Variants in KIAA1328 observed in about 807,000 individuals in gnomAD.
KIAA1328 encodes protein hinderin.
Under a neutral mutation model 68.1 loss-of-function variants are expected in KIAA1328, and 52 were observed. The observed-to-expected ratio is 0.76, with a 90% CI of 0.61 to 0.96. KIAA1328 has a LOEUF of 0.96. KIAA1328 is among the 40% of genes least tolerant of loss of function. The pLI is 0.00. For missense variants in KIAA1328, 641 were observed against 677.6 expected (o/e 0.95, Z 0.60); for synonymous variants, 232 against 239.4 (o/e 0.97, Z 0.28).
intron 8 of KIAA1328, among the ~76,000 whole-genome samples, chr18:37,165,481 G>A (rs1294683423): frequency 6.6e-6 from 1 of 151,406 alleles, no homozygotes; most frequent in Non-Finnish European, 1.5e-5. Flanking sequence ...GTGCAATGGT[G>A]CTATATCGGT....
At chr18:37,096,998 C>T (rs939741912) in intron 7 of KIAA1328, among the ~76,000 whole-genome samples, 1 of 151,898 alleles carries the variant, frequency 6.6e-6, no homozygotes, top group Non-Finnish European at 1.5e-5. Context: ...GAGTAGATTG[C>T]AAAAATTTTC....
At chr18:37,221,490 T>C (rs1013093031) in intron 9 of KIAA1328, among the ~76,000 whole-genome samples, 2 of 152,176 alleles carry the variant, frequency 1.3e-5, no homozygotes, top group Admixed American at 6.5e-5. Context: ...AGCTTTAGTG[T>C]CCTGGATGAG....
chr18:37,148,682 T>A (rs573759356), intron 7 of KIAA1328, among the ~76,000 whole-genome samples: 1 of 152,366 alleles, frequency 6.6e-6, no homozygotes, highest in East Asian at 1.9e-4. Context: ...TGAGATGGTA[T>A]CTCTTTGTGG....
intron 6 of KIAA1328, among the ~76,000 whole-genome samples, chr18:36,995,160 A>G (rs2053340415): frequency 6.6e-6 from 1 of 152,056 alleles, no homozygotes; most frequent in East Asian, 1.9e-4. Flanking sequence ...CCCTGTGTCC[A>G]CGTGTTCACA....
intron 6 of KIAA1328, among the ~76,000 whole-genome samples, chr18:36,983,439 A>G (rs2052777567): frequency 1.3e-5 from 2 of 152,104 alleles, no homozygotes; most frequent in Non-Finnish European, 2.9e-5. Context: ...AGAGAAGCCA[A>G]CTAATCCACA....
At chr18:36,881,553 A>G (rs935996358) in intron 4 of KIAA1328, among the ~76,000 whole-genome samples, 4 of 152,308 alleles carry the variant, frequency 2.6e-5, no homozygotes, top group Admixed American at 2.6e-4. Context: ...AATCAGTTTT[A>G]GTATGTTTTC....
At chr18:36,992,559 C>G (rs564520846) in intron 6 of KIAA1328, among the ~76,000 whole-genome samples, 19 of 150,596 alleles carry the variant, frequency 1.3e-4, no homozygotes, top group Non-Finnish European at 1.9e-4. Flanking sequence ...TTCCTGGGTC[C>G]TTTTTTATTT....
intron 6 of KIAA1328, among the ~76,000 whole-genome samples, chr18:37,013,495 C>T (rs988909458): frequency 1.3e-5 from 2 of 152,068 alleles, no homozygotes; most frequent in African/African-American, 4.8e-5. Flanking sequence ...CTTTGCCCAT[C>T]CCCCTCACTC....
intron 4 of KIAA1328, among the ~76,000 whole-genome samples, chr18:36,859,661 G>A (rs72885275): frequency 0.14 from 20,652 of 151,424 alleles, 1,749 homozygotes; most frequent in Admixed American, 0.18. Context: ...TGTTGCCCAG[G>A]CTAGTCTTGA....
intron 7 of KIAA1328, among the ~76,000 whole-genome samples, chr18:37,149,167 T>C (rs1429578953): frequency 6.6e-6 from 1 of 152,000 alleles, no homozygotes; most frequent in Non-Finnish European, 1.5e-5. Flanking sequence ...CTACTGTACT[T>C]CAAGGCTACA....
rs376923437 is a variant in KIAA1328, at chr18:37,166,172, A to G, written c.1414+5791A>G. On this transcript the variant is annotated intron_variant, in intron 8 of 9. Coordinates refer to ENST00000280020, the MANE Select transcript of KIAA1328 (RefSeq NM_020776.3). ...CAGGGCCTCATCTCTCCCAAGAAAC[A>G]CTGAAAAATCTTGCAAAAACTGTCA... is the stretch of plus-strand genomic sequence containing the variant. 1.2e-4 allele frequency among the ~76,000 whole-genome samples: 19 copies of G among 152,094 alleles called. No individual in the cohort carries two copies. In the South Asian group the frequency reaches 3.1e-3, roughly 25 times the overall value.
At chr18:36,834,924 C>T (rs1361125037) in intron 2 of KIAA1328, among the ~76,000 whole-genome samples, 1 of 152,124 alleles carries the variant, frequency 6.6e-6, no homozygotes, top group African/African-American at 2.4e-5. Flanking sequence ...GTTCCAGCTA[C>T]TCCAGAGGCT....
chr18:37,197,304 C>T (rs2060022410), intron 9 of KIAA1328, among the ~76,000 whole-genome samples: 1 of 151,092 alleles, frequency 6.6e-6, no homozygotes, highest in African/African-American at 2.4e-5. Flanking sequence ...AATTTTTTGT[C>T]TCAATTTCAT....
At chr18:36,964,891 C>CTT (rs78746926) in intron 6 of KIAA1328, among the ~76,000 whole-genome samples, 1 of 144,938 alleles carries the variant, frequency 6.9e-6, no homozygotes. Context: ...TGTGTTACTT[C>CTT]TTTTTTTTTT....
intron 7 of KIAA1328, among the ~76,000 whole-genome samples, chr18:37,087,248 C>T (rs568937413): frequency 2.6e-5 from 4 of 151,702 alleles, no homozygotes; most frequent in Admixed American, 1.3e-4. Flanking sequence ...TTTTTAGAGA[C>T]GGGGTTTTGC....
intron 6 of KIAA1328, among the ~76,000 whole-genome samples, chr18:36,970,555 C>A (rs1360128341): frequency 6.6e-6 from 1 of 152,112 alleles, no homozygotes; most frequent in Non-Finnish European, 1.5e-5. Context: ...TTAGAAAACC[C>A]CATTGTCTGA....
intron 6 of KIAA1328, among the ~76,000 whole-genome samples, chr18:36,966,722 A>G (rs1475497411): frequency 3.9e-5 from 6 of 152,216 alleles, no homozygotes; most frequent in African/African-American, 4.8e-5. Context: ...TATATTTAAC[A>G]GAAGTGCAAG....
At chr18:36,923,977 T>C (rs2050022800) in intron 5 of KIAA1328, 1 of 152,168 alleles carries the variant, frequency 6.6e-6, no homozygotes, top group Non-Finnish European at 1.5e-5. Context: ...AAGGGAATTA[T>C]GCTGGAAGGG....
At position 36,953,219 on chromosome 18, in the gene KIAA1328, AATT is replaced by A. The variant is rs747469757; in HGVS notation, c.449-6084_449-6082del. ...TGCATATATAATTGTATATAAACAT[AATT>A]ATTAAATTATTATATTTATAATATA... On this transcript the variant is annotated intron_variant, in intron 5 of 9. Coordinates refer to ENST00000280020, the MANE Select transcript of KIAA1328 (RefSeq NM_020776.3). Among the ~76,000 whole-genome samples the A allele has an allele frequency of 2.2e-3, 330 of 147,798 alleles. 1 individual carries two copies. Among genetic ancestry groups the A allele is most frequent in the Non-Finnish European group, 3.5e-3 (235 of 67,148 alleles).
Sources: allele counts gnomAD v4.1 joint callset (sites outside exome capture counted in the v4.1 genomes callset), GRCh38; gene constraint gnomAD v4.1.1; transcripts MANE v1.5; gene names NCBI Gene and HGNC (gene_info 2026-07-23, HGNC 2026-07-21).